The following EYA4 variants were observed in gnomAD, a reference collection of about 807,000 sequenced individuals.
EYA4 encodes the protein EYA transcriptional coactivator and phosphatase 4, also known as protein phosphatase EYA4.
EYA4 carries 31 observed loss-of-function variants against 87.9 expected under a neutral mutation model. The ratio of observed to expected loss-of-function variants is 0.35; its 90% CI spans 0.27 to 0.48. The LOEUF is 0.48. Among genes scored for constraint, EYA4 ranks in the 20% least tolerant of loss-of-function variants. EYA4 has a pLI of 0.99. For synonymous variants in EYA4, 263 were observed against 270.6 expected, an observed-to-expected ratio of 0.97 and a Z score of 0.28; for missense variants, 678 against 761.4, an observed-to-expected ratio of 0.89 and a Z score of 1.29.
At chr6:133,516,722 C>CAAAAA (rs58268978) in intron 17 of EYA4, among the ~76,000 whole-genome samples, 1 of 122,904 alleles carries the variant, frequency 8.1e-6, no homozygotes, top group African/African-American at 2.9e-5. Flanking sequence ...GACTCTGTCT[C>CAAAAA]AAAAAAAAAA....
chr6:133,467,540 T>C (rs1162282192), intron 10 of EYA4, among the ~76,000 whole-genome samples: 1 of 152,102 alleles, frequency 6.6e-6, no homozygotes, highest in Non-Finnish European at 1.5e-5. Flanking sequence ...GCTCACAAGT[T>C]ACAGTAGTGG....
intron 6 of EYA4, among the ~76,000 whole-genome samples, chr6:133,458,329 C>T (rs569168443): frequency 3.9e-5 from 6 of 152,066 alleles, no homozygotes; most frequent in South Asian, 2.1e-4. Context: ...TCATCAAGTA[C>T]GACTAGAGGC....
intron 11 of EYA4, among the ~76,000 whole-genome samples, chr6:133,473,866 C>T (rs1424161107): frequency 6.6e-6 from 1 of 151,824 alleles, no homozygotes; most frequent in Admixed American, 6.6e-5. Context: ...AAATTTTGTG[C>T]CCTAGGCGCC....
chr6:133,501,600 A>G (rs1583476225), intron 13 of EYA4, among the ~76,000 whole-genome samples: 1 of 152,154 alleles, frequency 6.6e-6, no homozygotes, highest in Admixed American at 6.5e-5. Context: ...AAAATCCAGT[A>G]ACTTTTTCCA....
intron 13 of EYA4, among the ~76,000 whole-genome samples, chr6:133,492,796 T>A (rs528871530): frequency 1.3e-5 from 2 of 152,316 alleles, no homozygotes; most frequent in South Asian, 2.1e-4. Context: ...ATCAGAAGCA[T>A]TTTTATATGT....
At chr6:133,316,102 C>G (rs1490326995) in intron 2 of EYA4, among the ~76,000 whole-genome samples, 1 of 152,074 alleles carries the variant, frequency 6.6e-6, no homozygotes, top group East Asian at 1.9e-4. Flanking sequence ...GTATACGATA[C>G]GTATGCTGGT....
chr6:133,494,268 G>T (rs1797433167), intron 13 of EYA4, among the ~76,000 whole-genome samples: 2 of 152,128 alleles, frequency 1.3e-5, no homozygotes, highest in African/African-American at 2.4e-5. Flanking sequence ...GTCATTTTTA[G>T]CAACATGGAT....
intron 9 of EYA4, 72 bp downstream of exon 9, chr6:133,462,836 G>A: frequency 7.3e-7 from 1 of 1,360,918 alleles, no homozygotes; most frequent in Non-Finnish European, 1.1e-6. Context: ...CTTCAGACTA[G>A]GAATATCCAA....
At chr6:133,517,151 C>T (rs1799666448) in intron 17 of EYA4, among the ~76,000 whole-genome samples, 1 of 152,144 alleles carries the variant, frequency 6.6e-6, no homozygotes, top group Non-Finnish European at 1.5e-5. Flanking sequence ...CATGTTCTCA[C>T]TTACAAGTGA....
At chr6:133,419,331 A>G (rs2128557322) in intron 3 of EYA4, among the ~76,000 whole-genome samples, 1 of 152,306 alleles carries the variant, frequency 6.6e-6, no homozygotes, top group South Asian at 2.1e-4. Context: ...TTTGCAAGTC[A>G]ATTGTGATTT....
intron 1 of EYA4, among the ~76,000 whole-genome samples, chr6:133,250,378 A>G (rs1260450201): frequency 6.6e-6 from 1 of 152,126 alleles, no homozygotes; most frequent in Non-Finnish European, 1.5e-5. Flanking sequence ...GCGGTGGCTC[A>G]CACTTGTAAT....
intron 2 of EYA4, among the ~76,000 whole-genome samples, chr6:133,352,506 G>A (rs534470906): frequency 2.0e-5 from 3 of 152,102 alleles, no homozygotes; most frequent in Admixed American, 6.5e-5. Context: ...TGTCATATAC[G>A]TACATATAAA....
At chr6:133,438,500 G>A (rs541693336) in intron 3 of EYA4, among the ~76,000 whole-genome samples, 11 of 150,262 alleles carry the variant, frequency 7.3e-5, no homozygotes, top group Admixed American at 2.0e-4. Flanking sequence ...TCCCTTATTC[G>A]AATTCATCAA....
chr6:133,481,067 A>C (rs933730803), intron 11 of EYA4, among the ~76,000 whole-genome samples: 2 of 144,108 alleles, frequency 1.4e-5, no homozygotes, highest in Admixed American at 7.2e-5. Flanking sequence ...ATGAAGCATG[A>C]CTTCCTAGGA....
intron 3 of EYA4, among the ~76,000 whole-genome samples, chr6:133,436,124 C>T (rs530053269): frequency 1.3e-5 from 2 of 151,942 alleles, no homozygotes; most frequent in South Asian, 4.1e-4. Flanking sequence ...GAAGCTGAGG[C>T]AGGAGAATTG....
chr6:133,273,055 A>G (rs2128263459), intron 1 of EYA4, among the ~76,000 whole-genome samples: 1 of 149,434 alleles, frequency 6.7e-6, no homozygotes, highest in Non-Finnish European at 1.5e-5. Flanking sequence ...AATCTGTATT[A>G]GGGTTCTCTA....
intron 2 of EYA4, among the ~76,000 whole-genome samples, chr6:133,301,214 C>T (rs959334675): frequency 2.6e-5 from 4 of 152,146 alleles, no homozygotes; most frequent in Admixed American, 6.5e-5. Context: ...AAATTTTAAA[C>T]ATGTAAACTA....
chr6:133,261,558 G>A (rs1240932271), intron 1 of EYA4, among the ~76,000 whole-genome samples: 1 of 152,136 alleles, frequency 6.6e-6, no homozygotes, highest in Non-Finnish European at 1.5e-5. Context: ...CTTAATCGAG[G>A]AGTTGTTCAT....
In EYA4 at chr6:133,515,306, T is replaced by A. The variant is rs1203223249; in HGVS notation, c.1502-15T>A. 3.6e-6 allele frequency: 5 copies of A among 1,407,356 alleles called. No individual in the cohort carries two copies. The highest frequency in any genetic ancestry group is 4.0e-6 in the Non-Finnish European group (4 of 991,150). The allele number at this position is 1,407,356 out of a possible 1,614,324, so 87.2% of individuals were successfully genotyped here. A position where few individuals can be genotyped will look rare whatever the true frequency, so the allele number is the denominator to read the frequency against. ...ATTCATCTCTCGACTCTGCCTTGGTTTTTTGGTGTTGCAGGACTCCTTGGC... is the reference window on the plus strand; with the variant it reads ...ATTCATCTCTCGACTCTGCCTTGGTATTTTGGTGTTGCAGGACTCCTTGGC... On this transcript the variant is annotated splice_polypyrimidine_tract_variant and intron_variant, in intron 16 of 19. Coordinates refer to ENST00000355286, the MANE Select transcript of EYA4 (RefSeq NM_004100.5).
Sources: allele counts gnomAD v4.1 joint callset (sites outside exome capture counted in the v4.1 genomes callset), GRCh38; gene constraint gnomAD v4.1.1; transcripts MANE v1.5; gene names NCBI Gene and HGNC (gene_info 2026-07-23, HGNC 2026-07-21).